The following CADM2 variants were observed in gnomAD, a reference collection of about 807,000 sequenced individuals.
CADM2 encodes immunoglobulin superfamily member 4D.
CADM2 carries 12 observed loss-of-function variants against 49.8 expected under a neutral mutation model. The observed-to-expected ratio is 0.24, with a 90% confidence interval of 0.15 to 0.39. The LOEUF is 0.39. Ranked by LOEUF, CADM2 falls within the 10% of genes least tolerant of loss-of-function variation. CADM2 has a pLI of 1.00. For missense variants in CADM2, 378 were observed against 492.3 expected, an observed-to-expected ratio of 0.77 and a Z score of 2.20; for synonymous variants, 214 against 175.4, an observed-to-expected ratio of 1.22 and a Z score of -1.74.
chr3:85,179,123 G>A (rs1487098285), intron 1 of CADM2, among the ~76,000 whole-genome samples: 1 of 151,894 alleles, frequency 6.6e-6, no homozygotes. Flanking sequence ...CTAGGCAAGT[G>A]TCTAGATGTC....
chr3:85,500,337 T>C (rs1052369996), intron 1 of CADM2, among the ~76,000 whole-genome samples: 1 of 152,144 alleles, frequency 6.6e-6, no homozygotes, highest in African/African-American at 2.4e-5. Flanking sequence ...AGTTTAAAAA[T>C]GCATATGTTT....
intron 1 of CADM2, among the ~76,000 whole-genome samples, chr3:85,695,666 G>T (rs1230353201): frequency 1.3e-5 from 2 of 151,880 alleles, no homozygotes; most frequent in Admixed American, 1.3e-4. Context: ...AAGTTGATGG[G>T]AACTTAGGCT....
At chr3:84,989,729 T>C (rs1320483513) in intron 1 of CADM2, among the ~76,000 whole-genome samples, 2 of 152,062 alleles carry the variant, frequency 1.3e-5, no homozygotes, top group Non-Finnish European at 2.9e-5. Context: ...TAAATTTGGA[T>C]TTAATAGAAC....
chr3:85,996,620 AT>A (rs1296638369), intron 8 of CADM2, among the ~76,000 whole-genome samples: 2 of 152,114 alleles, frequency 1.3e-5, no homozygotes, highest in Admixed American at 1.3e-4. Flanking sequence ...TACTAATATT[AT>A]TTTAATAATA....
At chr3:85,429,078 C>T (rs2036552348) in intron 1 of CADM2, among the ~76,000 whole-genome samples, 1 of 151,898 alleles carries the variant, frequency 6.6e-6, no homozygotes, top group South Asian at 2.1e-4. Flanking sequence ...GAAAAATCTT[C>T]ATTTGAGAGT....
At chr3:85,071,753 G>A (rs1210433030) in intron 1 of CADM2, among the ~76,000 whole-genome samples, 2 of 151,960 alleles carry the variant, frequency 1.3e-5, no homozygotes, top group Non-Finnish European at 2.9e-5. Flanking sequence ...GATTATCATA[G>A]ATTTAACTGA....
chr3:85,485,386 TTGTTAAC>T (rs2039375878), intron 1 of CADM2, among the ~76,000 whole-genome samples: 1 of 152,024 alleles, frequency 6.6e-6, no homozygotes, highest in Non-Finnish European at 1.5e-5. Context: ...GCCCAAAGCA[TTGTTAAC>T]TTCCATTCCT....
intron 1 of CADM2, among the ~76,000 whole-genome samples, chr3:85,637,505 G>T (rs1426627669): frequency 6.7e-6 from 1 of 149,036 alleles, no homozygotes; most frequent in Non-Finnish European, 1.5e-5. Flanking sequence ...GGGAGGCTGA[G>T]GCAGGAGAAT....
intron 1 of CADM2, among the ~76,000 whole-genome samples, chr3:85,048,698 G>T (rs2035761583): frequency 1.3e-5 from 2 of 152,136 alleles, no homozygotes; most frequent in Admixed American, 1.3e-4. Context: ...GAAAGAGGTG[G>T]TTGTTGTGGG....
intron 1 of CADM2, among the ~76,000 whole-genome samples, chr3:85,322,617 A>C (rs913485889): frequency 1.3e-5 from 2 of 152,238 alleles, no homozygotes; most frequent in African/African-American, 4.8e-5. Context: ...ATGCAAAACC[A>C]ATGGAGAAAA....
chr3:85,565,666 G>A (rs1576817388), intron 1 of CADM2, among the ~76,000 whole-genome samples: 1 of 151,830 alleles, frequency 6.6e-6, no homozygotes, highest in Non-Finnish European at 1.5e-5. Flanking sequence ...CACTTACTGG[G>A]GTGTGAACTT....
rs573633044 is a variant in CADM2, at chr3:85,456,369, C to A, written c.62-270153C>A. 1.1e-4 allele frequency among the ~76,000 whole-genome samples: 16 copies of A among 152,102 alleles called. 1 individual carries two copies. The highest frequency in any genetic ancestry group is 6.8e-3 in the Middle Eastern group (2 of 292). Reference sequence around the variant, plus strand: ...TTTCCAGACCACACAATACTATAGCCAGTATTATGTAACACTTGGCTATTA... The same window carrying A: ...TTTCCAGACCACACAATACTATAGCAAGTATTATGTAACACTTGGCTATTA... On this transcript the variant is annotated intron_variant, in intron 1 of 9. Coordinates refer to ENST00000383699, the MANE Select transcript of CADM2 (RefSeq NM_001167675.2).
chr3:86,062,335 A>G (rs1025322194), intron 8 of CADM2, among the ~76,000 whole-genome samples: 18 of 152,220 alleles, frequency 1.2e-4, no homozygotes, highest in East Asian at 1.9e-4. Context: ...ATTTTTGGAG[A>G]TTTATGGGCA....
chr3:85,851,182 A>G (rs187565788), intron 3 of CADM2, among the ~76,000 whole-genome samples: 7 of 152,182 alleles, frequency 4.6e-5, no homozygotes, highest in Middle Eastern at 3.2e-3. Context: ...TATGTTTTGC[A>G]AGAAAATTTA....
At chr3:85,922,516 T>C (rs1719257196) in intron 6 of CADM2, among the ~76,000 whole-genome samples, 1 of 152,072 alleles carries the variant, frequency 6.6e-6, no homozygotes, top group South Asian at 2.1e-4. Flanking sequence ...GACTTTTTAT[T>C]ATCTATTTCT....
chr3:85,551,931 A>G (rs2107120680), intron 1 of CADM2, among the ~76,000 whole-genome samples: 1 of 152,290 alleles, frequency 6.6e-6, no homozygotes, highest in African/African-American at 2.4e-5. Context: ...GACAAAGGTG[A>G]TGGTAATTCC....
At chr3:85,626,144 AT>A (rs1559951275) in intron 1 of CADM2, among the ~76,000 whole-genome samples, 3 of 152,012 alleles carry the variant, frequency 2.0e-5, no homozygotes, top group African/African-American at 7.2e-5. Context: ...ATGAAGTATT[AT>A]TTTATACACT....
intron 2 of CADM2, among the ~76,000 whole-genome samples, chr3:85,776,783 T>C (rs1326354027): frequency 6.6e-6 from 1 of 152,132 alleles, no homozygotes; most frequent in East Asian, 1.9e-4. Flanking sequence ...TCAGTGCTAA[T>C]TGTTTTTACT....
chr3:84,964,426 A>G (rs1355378224), intron 1 of CADM2, among the ~76,000 whole-genome samples: 1 of 152,194 alleles, frequency 6.6e-6, no homozygotes, highest in Non-Finnish European at 1.5e-5. Context: ...TTAATAATCA[A>G]ATATAGACCT....
Sources: allele counts gnomAD v4.1 joint callset (sites outside exome capture counted in the v4.1 genomes callset), GRCh38; gene constraint gnomAD v4.1.1; transcripts MANE v1.5; gene names NCBI Gene and HGNC (gene_info 2026-07-23, HGNC 2026-07-21).